Variants in FNDC3B observed in about 807,000 individuals in gnomAD.
FNDC3B encodes the protein fibronectin type III domain containing 3B.
In FNDC3B, 12 loss-of-function variants were observed where a neutral mutation model predicts 151.5. That is an observed-to-expected ratio of 0.08 (90% CI 0.05 to 0.13). The LOEUF is 0.13. Ranked by LOEUF, FNDC3B falls within the 10% of genes least tolerant of loss-of-function variation. FNDC3B has a pLI of 1.00. For synonymous variants in FNDC3B, 528 were observed against 549.0 expected (o/e 0.96, Z 0.54); for missense variants, 1,214 against 1,505.3 (o/e 0.81, Z 3.20).
At chr3:172,230,414 G>A (rs1185224282) in intron 4 of FNDC3B, among the ~76,000 whole-genome samples, 1 of 151,722 alleles carries the variant, frequency 6.6e-6, no homozygotes, top group Non-Finnish European at 1.5e-5. Context: ...TGAGGCAGGG[G>A]AATCACTTGA....
intron 19 of FNDC3B, among the ~76,000 whole-genome samples, chr3:172,344,872 A>G (rs1486982899): frequency 6.6e-6 from 1 of 151,886 alleles, no homozygotes. Context: ...TTAGGGGGAG[A>G]TGAATAATGA....
intron 3 of FNDC3B, among the ~76,000 whole-genome samples, chr3:172,169,102 C>T (rs764190032): frequency 1.3e-5 from 2 of 148,364 alleles, no homozygotes; most frequent in African/African-American, 5.0e-5. Context: ...GTCAGACATT[C>T]GTATTTTCAG....
rs376124255 is a variant in FNDC3B, at chr3:172,247,797, G to C, written c.508+21G>C. ...GCAAGGTGAGTAGATTTTCGTTGGCGTCAGGAGCCGTTGAAACTGATTACA... is the reference window on the plus strand; with the variant it reads ...GCAAGGTGAGTAGATTTTCGTTGGCCTCAGGAGCCGTTGAAACTGATTACA... On this transcript the variant is annotated intron_variant, in intron 5 of 25. Transcript: ENST00000415807. The C allele has an allele frequency of 2.5e-6, 4 of 1,613,524 alleles. No individual in the cohort carries two copies. The South Asian group carries it at 3.3e-5, about 13-fold the overall frequency.
chr3:172,344,029 C>A (rs763843762), intron 18 of FNDC3B, 57 bp from the exon 19 acceptor site: 119 of 1,523,248 alleles, frequency 7.8e-5, no homozygotes, highest in Non-Finnish European at 1.0e-4. Flanking sequence ...ATCTGGTGCA[C>A]TTTGGTCAAC....
intron 11 of FNDC3B, among the ~76,000 whole-genome samples, chr3:172,326,017 T>A (rs566863712): frequency 6.6e-6 from 1 of 152,162 alleles, no homozygotes; most frequent in East Asian, 1.9e-4. Context: ...GTAGAGACGG[T>A]GTTTCACCAT....
intron 4 of FNDC3B, among the ~76,000 whole-genome samples, chr3:172,242,772 A>G (rs570225684): frequency 3.9e-5 from 6 of 152,306 alleles, no homozygotes; most frequent in African/African-American, 1.2e-4. Flanking sequence ...ATTAACATTC[A>G]GCTCTTTGTT....
At chr3:172,228,618 G>A (rs1353769731) in intron 4 of FNDC3B, among the ~76,000 whole-genome samples, 1 of 152,188 alleles carries the variant, frequency 6.6e-6, no homozygotes, top group East Asian at 1.9e-4. Flanking sequence ...TAAAAGTAGA[G>A]CTGTACACTC....
At chr3:172,190,953 G>A (rs1355558321) in intron 3 of FNDC3B, among the ~76,000 whole-genome samples, 1 of 152,166 alleles carries the variant, frequency 6.6e-6, no homozygotes, top group Non-Finnish European at 1.5e-5. Context: ...ACAGGCGTGA[G>A]CCACCATGCC....
chr3:172,212,275 A>T (rs1467737431), intron 3 of FNDC3B, among the ~76,000 whole-genome samples: 1 of 152,230 alleles, frequency 6.6e-6, no homozygotes, highest in Non-Finnish European at 1.5e-5. Flanking sequence ...TTACTTTTAA[A>T]CATTGTGATG....
intron 25 of FNDC3B, among the ~76,000 whole-genome samples, chr3:172,381,584 T>A (rs1161830352): frequency 6.6e-6 from 1 of 152,152 alleles, no homozygotes; most frequent in African/African-American, 2.4e-5. Context: ...ACCTGTCATC[T>A]ACATTAGGTA....
chr3:172,049,852 T>C (rs1560382429), intron 1 of FNDC3B, among the ~76,000 whole-genome samples: 1 of 152,204 alleles, frequency 6.6e-6, no homozygotes, highest in African/African-American at 2.4e-5. Context: ...TTATTCATTC[T>C]TGACATCATT....
At chr3:172,043,878 A>G (rs940572150) in intron 1 of FNDC3B, among the ~76,000 whole-genome samples, 4 of 152,256 alleles carry the variant, frequency 2.6e-5, no homozygotes, top group African/African-American at 9.6e-5. Flanking sequence ...TAATAAGAGT[A>G]CAAATAGGAA....
At chr3:172,164,543 TA>T (rs1174009060) in intron 3 of FNDC3B, among the ~76,000 whole-genome samples, 1 of 152,132 alleles carries the variant, frequency 6.6e-6, no homozygotes, top group Non-Finnish European at 1.5e-5. Context: ...TTCTAAAACT[TA>T]AAAAAACTTA....
chr3:172,053,714 G>C (rs1405702430), intron 1 of FNDC3B, among the ~76,000 whole-genome samples: 1 of 150,088 alleles, frequency 6.7e-6, no homozygotes. Flanking sequence ...GGAGGTTGTA[G>C]TGAGCCGAGA....
At chr3:172,380,607 T>G (rs893680549) in intron 24 of FNDC3B, among the ~76,000 whole-genome samples, 1 of 152,246 alleles carries the variant, frequency 6.6e-6, no homozygotes, top group Non-Finnish European at 1.5e-5. Flanking sequence ...TTAAGTTTCT[T>G]GAAAACAGGG....
intron 23 of FNDC3B, among the ~76,000 whole-genome samples, chr3:172,365,124 G>C (rs1461932500): frequency 6.6e-6 from 1 of 152,166 alleles, no homozygotes; most frequent in Non-Finnish European, 1.5e-5. Context: ...TGGGTATCAA[G>C]GAGAAACAAT....
chr3:172,054,722 G>T (rs1007269002), intron 1 of FNDC3B, among the ~76,000 whole-genome samples: 1 of 152,092 alleles, frequency 6.6e-6, no homozygotes, highest in African/African-American at 2.4e-5. Flanking sequence ...TGAACAGGGG[G>T]GTAGGGGGTG....
At chr3:172,393,974 G>A (rs1226715739) in intron 25 of FNDC3B, among the ~76,000 whole-genome samples, 4 of 151,564 alleles carry the variant, frequency 2.6e-5, no homozygotes, top group Admixed American at 2.0e-4. Context: ...TGGGTGTGGT[G>A]ACGGGTGCCT....
chr3:172,343,177 T>C lies in FNDC3B; in HGVS notation c.2077+61T>C, dbSNP rs2272136. ...TTGGACAATTGGAGATGAAGACTTA[T>C]GCTTTGTAGTTAAGTTTCAAAGCTT... is the stretch of plus-strand genomic sequence containing the variant. On this transcript the variant is annotated intron_variant, in intron 18 of 25. Coordinates refer to ENST00000415807, the MANE Select transcript of FNDC3B (RefSeq NM_022763.4). 1,563 of 889,268 alleles carry C rather than the reference T, an allele frequency of 1.8e-3. 10 individuals carry two copies. In the East Asian group the frequency reaches 0.023, roughly 13 times the overall value. The allele number at this position is 889,268 out of a possible 1,614,324, so 55.1% of individuals were successfully genotyped here.
Sources: gnomAD v4.1 joint callset for allele counts (sites outside exome capture counted in the v4.1 genomes callset) on GRCh38, gnomAD v4.1.1 for gene constraint, MANE v1.5 for transcripts, NCBI Gene and HGNC (gene_info 2026-07-23, HGNC 2026-07-21) for gene names.